Variants in ATE1 observed in about 807,000 individuals in gnomAD.
ATE1 encodes the protein arginyl-tRNA--protein transferase 1.
Under a neutral mutation model 70.5 loss-of-function variants are expected in ATE1, and 36 were observed. The observed-to-expected ratio is 0.51, with a 90% CI of 0.39 to 0.67. The LOEUF is 0.67. Ranked by LOEUF, ATE1 falls within the 30% of genes least tolerant of loss-of-function variation. The pLI is 0.00. For missense variants in ATE1, 593 were observed against 629.5 expected, an observed-to-expected ratio of 0.94 and a Z score of 0.62; for synonymous variants, 232 against 219.3, an observed-to-expected ratio of 1.06 and a Z score of -0.51.
chr10:121,917,778 G>T (rs576615267), intron 3 of ATE1, among the ~76,000 whole-genome samples: 1 of 152,108 alleles, frequency 6.6e-6, no homozygotes, highest in Non-Finnish European at 1.5e-5. Context: ...GGGGTTGGGG[G>T]ATTGCTTTTT....
At chr10:121,824,425 T>G (rs1947925568) in intron 10 of ATE1, among the ~76,000 whole-genome samples, 2 of 152,210 alleles carry the variant, frequency 1.3e-5, no homozygotes, top group South Asian at 4.1e-4. Context: ...GTTTCAGTAG[T>G]GCATGATTTT....
At chr10:121,806,700 T>C (rs915456763) in intron 10 of ATE1, among the ~76,000 whole-genome samples, 2 of 152,188 alleles carry the variant, frequency 1.3e-5, no homozygotes, top group Non-Finnish European at 2.9e-5. Flanking sequence ...TGTCTTGATG[T>C]TTGAAACCTA....
chr10:121,911,211 T>C (rs1951411686), intron 4 of ATE1, 60 bp from the exon 5 acceptor site: 3 of 1,555,722 alleles, frequency 1.9e-6, no homozygotes, highest in East Asian at 2.2e-5. Context: ...GTTAGGTAAA[T>C]ACAGAAATAC....
rs191425591 is a variant in ATE1 at position 121,905,460 on chromosome 10, C to A, written c.584-2840G>T. Reference sequence around the variant, plus strand: ...ATGAAGGACTGACTACCTGTATCGTCTTTACACTAATTAAGTCACTGGGCT... The same window carrying A: ...ATGAAGGACTGACTACCTGTATCGTATTTACACTAATTAAGTCACTGGGCT... On this transcript the variant is annotated intron_variant, in intron 5 of 11. Transcript: ENST00000224652. 3.4e-3 allele frequency among the ~76,000 whole-genome samples: 513 copies of A among 152,270 alleles called. 7 individuals are homozygous for A. Among genetic ancestry groups the A allele is most frequent in the African/African-American group, 0.011 (477 of 41,568 alleles).
In ATE1 at chr10:121,794,819, C is replaced by T. The variant is rs115117853; in HGVS notation, c.1258-4530G>A. Among the ~76,000 whole-genome samples the T allele has an allele frequency of 7.9e-3, 1,198 of 152,178 alleles. 14 individuals carry two copies. The highest frequency in any genetic ancestry group is 0.028 in the African/African-American group (1,154 of 41,516). On this transcript the variant is annotated intron_variant, in intron 10 of 11. Coordinates refer to ENST00000224652, the MANE Select transcript of ATE1 (RefSeq NM_001001976.3). ...TATCGAGGGTGGAGATGGGGGTGAT[C>T]GGACATCAACTTTTGAGTCCTTAAG...
intron 10 of ATE1, among the ~76,000 whole-genome samples, chr10:121,825,309 A>G (rs1947963527): frequency 6.6e-6 from 1 of 152,242 alleles, no homozygotes; most frequent in Non-Finnish European, 1.5e-5. Context: ...AATACAGGTT[A>G]CAAATATGAC....
chr10:121,910,227 A>C (rs935071996), intron 5 of ATE1, among the ~76,000 whole-genome samples: 1 of 152,152 alleles, frequency 6.6e-6, no homozygotes, highest in African/African-American at 2.4e-5. Context: ...AGTACTAAAA[A>C]TCTTTCCCTT....
At chr10:121,927,237 A>G (rs1274848299) in intron 1 of ATE1, 2 of 985,278 alleles carry the variant, frequency 2.0e-6, no homozygotes, top group Non-Finnish European at 2.4e-6. Context: ...GAGGAAAGAC[A>G]CGGCATATAA....
intron 3 of ATE1, among the ~76,000 whole-genome samples, chr10:121,917,242 C>A (rs192843589): frequency 4.1e-4 from 63 of 152,242 alleles, no homozygotes; most frequent in Middle Eastern, 3.4e-3. Flanking sequence ...GGTCAGAAGG[C>A]TCCACAAGGG....
intron 8 of ATE1, among the ~76,000 whole-genome samples, chr10:121,841,736 A>G (rs1948637812): frequency 6.6e-6 from 1 of 152,076 alleles, no homozygotes; most frequent in Non-Finnish European, 1.5e-5. Flanking sequence ...AAAACATAAG[A>G]ATGACACAAT....
At chr10:121,753,456 T>A (rs1024452597) in intron 11 of ATE1, among the ~76,000 whole-genome samples, 2 of 152,176 alleles carry the variant, frequency 1.3e-5, no homozygotes, top group African/African-American at 4.8e-5. Flanking sequence ...ATCAAGATGA[T>A]TCTAGCCAGA....
chr10:121,894,637 C>T (rs1411113498), intron 7 of ATE1, among the ~76,000 whole-genome samples: 3 of 152,040 alleles, frequency 2.0e-5, no homozygotes, highest in East Asian at 1.9e-4. Flanking sequence ...TGGGAGCTCA[C>T]GCCTGTAATC....
chr10:121,836,713 T>C lies in ATE1; in HGVS notation c.1257+5A>G, dbSNP rs763061107. 6.8e-7 allele frequency: 1 copy of C among 1,480,402 alleles called. No homozygotes were observed. The highest frequency in any genetic ancestry group is 9.2e-7 in the Non-Finnish European group (1 of 1,087,154). 91.7% of individuals were successfully genotyped at this position (1,480,402 alleles called of 1,614,324 possible). On this transcript the variant is annotated splice_donor_5th_base_variant and intron_variant, in intron 10 of 11. Transcript: ENST00000224652. ...AAAATACACATATGTGAAAATCAAC[T>C]TTACCTTATATTTCATCTTGGGACA...
chr10:121,849,597 C>T (rs1366905085), intron 8 of ATE1, among the ~76,000 whole-genome samples: 3 of 152,178 alleles, frequency 2.0e-5, no homozygotes, highest in Non-Finnish European at 2.9e-5. Flanking sequence ...TCTACTCTGC[C>T]TCCCATCACT....
chr10:121,835,224 T>A (rs185502969), intron 10 of ATE1, among the ~76,000 whole-genome samples: 23 of 152,140 alleles, frequency 1.5e-4, no homozygotes, highest in Admixed American at 4.6e-4. Flanking sequence ...TACACTGAAA[T>A]ATGAGCTCAA....
At chr10:121,886,456 A>AGTGTGG (rs1186462882) in intron 7 of ATE1, among the ~76,000 whole-genome samples, 3 of 151,972 alleles carry the variant, frequency 2.0e-5, no homozygotes, top group Non-Finnish European at 4.4e-5. Flanking sequence ...TCCCAGTGTG[A>AGTGTGG]GTGTGGGTGT....
chr10:121,922,385 A>G lies in ATE1; in HGVS notation c.197T>C (p.Val66Ala). ...CTGAGGACAACATGTTTGATTCATGACAGGTTTGTACACATATTTTCCACT... is the reference window on the plus strand; with the variant it reads ...CTGAGGACAACATGTTTGATTCATGGCAGGTTTGTACACATATTTTCCACT... ...RRSGKYVYKP[V>A]MNQTCCPQYT... is the part of the protein sequence containing the mutation. Residue 66 changes from valine (V) to alanine (A), a missense_variant, in exon 3 of 12, where the codon GTC (valine) becomes GCC (alanine). By Grantham distance (64) the Val-to-Ala change is moderately conservative. Coordinates refer to ENST00000224652, the MANE Select transcript of ATE1 (RefSeq NM_001001976.3). The G allele has an allele frequency of 6.2e-7, 1 of 1,600,324 alleles. No individual in the cohort carries two copies. The highest frequency in any genetic ancestry group is 2.2e-5 in the East Asian group (1 of 44,718).
chr10:121,850,530 T>C (rs1327581365), intron 8 of ATE1, among the ~76,000 whole-genome samples: 3 of 152,218 alleles, frequency 2.0e-5, no homozygotes, highest in Non-Finnish European at 2.9e-5. Context: ...AAGGTAATCA[T>C]GTCTTGGTAT....
intron 11 of ATE1, among the ~76,000 whole-genome samples, chr10:121,769,414 T>A (rs1209150357): frequency 6.6e-6 from 1 of 152,170 alleles, no homozygotes; most frequent in Non-Finnish European, 1.5e-5. Context: ...GGATCATAGA[T>A]TTAAATGTAA....
Sources: allele counts gnomAD v4.1 joint callset (sites outside exome capture counted in the v4.1 genomes callset), GRCh38; gene constraint gnomAD v4.1.1; transcripts MANE v1.5; gene names NCBI Gene and HGNC (gene_info 2026-07-23, HGNC 2026-07-21).